The following ADGRB1 variants were observed in gnomAD, a reference collection of about 807,000 sequenced individuals.
ADGRB1 encodes brain-specific angiogenesis inhibitor 1.
ADGRB1 carries 36 observed loss-of-function variants against 175.7 expected under a neutral mutation model. The observed-to-expected ratio is 0.20, with a 90% CI of 0.16 to 0.27. ADGRB1 has a LOEUF of 0.27. Among genes scored for constraint, ADGRB1 ranks in the 10% least tolerant of loss-of-function variants. The pLI, the probability that ADGRB1 is intolerant of heterozygous loss-of-function variation, is 1.00. For synonymous variants in ADGRB1, 1,054 were observed against 979.4 expected, an observed-to-expected ratio of 1.08 and a Z score of -1.42; for missense variants, 1,731 against 2,255.3, an observed-to-expected ratio of 0.77 and a Z score of 4.71.
intron 17 of ADGRB1, among the ~76,000 whole-genome samples, chr8:142,496,915 G>C (rs1377394872): frequency 6.6e-6 from 1 of 152,190 alleles, no homozygotes; most frequent in African/African-American, 2.4e-5. Context: ...AACTGGGCTG[G>C]GAGTTTCCCA....
At chr8:142,533,728 G>A (rs1185960423) in intron 25 of ADGRB1, among the ~76,000 whole-genome samples, 1 of 152,204 alleles carries the variant, frequency 6.6e-6, no homozygotes, top group African/African-American at 2.4e-5. Flanking sequence ...GGGCGTGGGG[G>A]ACGAAAGCAC....
chr8:142,538,326 CGGGTGA>C (rs1304584587), intron 26 of ADGRB1, among the ~76,000 whole-genome samples: 1 of 152,184 alleles, frequency 6.6e-6, no homozygotes, highest in Non-Finnish European at 1.5e-5. Flanking sequence ...TGTCCAGCCC[CGGGTGA>C]GGGTGAGGTC....
chr8:142,516,498 G>A (rs1171088800), intron 18 of ADGRB1, among the ~76,000 whole-genome samples: 3 of 141,374 alleles, frequency 2.1e-5, no homozygotes, highest in Non-Finnish European at 4.6e-5. Context: ...CGTGTGTGCG[G>A]GCCCCAGGTG....
Position 142,541,958 on chromosome 8 carries a change from G to A in ADGRB1, c.3724G>A (p.Ala1242Thr), listed in dbSNP as rs1251950797. The A allele has an allele frequency of 1.0e-5, 16 of 1,557,430 alleles. No homozygotes were observed. The highest frequency in any genetic ancestry group is 2.3e-5 in the South Asian group (2 of 85,296). ...ACRSVLNKDI[A>T]ACRTATITGT... The stretch of plus-strand genomic sequence containing the variant: ...CCCTGCAGTGCTGAACAAGGACATC[G>A]CGGCCTGCCGCACTGCCACCATCAC... The change falls in exon 28 of 31, where the codon GCG becomes ACG. Residue 1242 changes from alanine (A) to threonine (T), a missense_variant. Around this residue, in one of 8 missense-constraint regions of ADGRB1, gnomAD observed 301 missense variants for 488.4 expected, o/e 0.62. Transcript: ENST00000517894.
intron 2 of ADGRB1, among the ~76,000 whole-genome samples, chr8:142,467,563 G>C (rs926920189): frequency 6.6e-5 from 10 of 152,212 alleles, no homozygotes. Context: ...AGTGGGACTT[G>C]AGTGTGAGCT....
At chr8:142,453,091 G>A (rs1328105661) in intron 1 of ADGRB1, among the ~76,000 whole-genome samples, 1 of 136,254 alleles carries the variant, frequency 7.3e-6, no homozygotes, top group Non-Finnish European at 1.6e-5. Flanking sequence ...GTCCCGTGAC[G>A]CGCCTCGCGT....
chr8:142,459,185 G>A (rs1313090922), intron 1 of ADGRB1, among the ~76,000 whole-genome samples: 1 of 152,220 alleles, frequency 6.6e-6, no homozygotes, highest in East Asian at 1.9e-4. Context: ...CATGGAACAC[G>A]CCTTTGGAGG....
At chr8:142,528,354 G>A (rs989517080) in intron 24 of ADGRB1, among the ~76,000 whole-genome samples, 3 of 152,152 alleles carry the variant, frequency 2.0e-5, no homozygotes, top group Non-Finnish European at 4.4e-5. Context: ...GCAGCCCTCA[G>A]CCCTGCCCAC....
chr8:142,458,105 T>C (rs1839780219), intron 1 of ADGRB1, among the ~76,000 whole-genome samples: 1 of 147,762 alleles, frequency 6.8e-6, no homozygotes, highest in Non-Finnish European at 1.5e-5. Flanking sequence ...GGGGATGCCA[T>C]TGGTGGCCTA....
At chr8:142,539,228 C>T in intron 26 of ADGRB1, 146 bp from the exon 27 acceptor site, 2 of 757,450 alleles carry the variant, frequency 2.6e-6, no homozygotes, top group Non-Finnish European at 4.2e-6. Context: ...GGCATGGTCG[C>T]CCACGTGGGG....
chr8:142,453,469 CGCGA>C (rs1839482126), intron 1 of ADGRB1, among the ~76,000 whole-genome samples: 2 of 152,196 alleles, frequency 1.3e-5, no homozygotes, highest in African/African-American at 4.8e-5. Flanking sequence ...CCTCCGGGCC[CGCGA>C]GCCCACGCCC....
chr8:142,506,322 C>T (rs1242680072), intron 17 of ADGRB1, among the ~76,000 whole-genome samples: 2 of 152,170 alleles, frequency 1.3e-5, no homozygotes, highest in Non-Finnish European at 2.9e-5. Context: ...GTCTGAGGGT[C>T]CCAGGTCGCT....
rs1014149152 is a variant in ADGRB1 at position 142,479,857 on chromosome 8, G to A, written c.1828+63G>A. On this transcript the variant is annotated intron_variant, in intron 9 of 30. Coordinates refer to ENST00000517894, the MANE Select transcript of ADGRB1 (RefSeq NM_001702.3). ...GTCCTGTCCTCACGGTGATGCCCAC[G>A]CTGAGGTGCTGTCAGCACTGGGAGG... 8.1e-6 allele frequency: 12 copies of A among 1,485,212 alleles called. No individual in the cohort carries two copies. In the African/African-American group the frequency reaches 8.3e-5, roughly 10 times the overall value. 92.0% of individuals were successfully genotyped at this position (1,485,212 alleles called of 1,614,324 possible).
chr8:142,491,996 G>A (rs570250810), intron 17 of ADGRB1, among the ~76,000 whole-genome samples: 11 of 152,124 alleles, frequency 7.2e-5, no homozygotes, highest in Admixed American at 7.2e-4. Context: ...AGGCAGGCAG[G>A]GGCTCAGGGG....
At chr8:142,531,232 G>T (rs1587427190) in intron 24 of ADGRB1, among the ~76,000 whole-genome samples, 2 of 152,240 alleles carry the variant, frequency 1.3e-5, no homozygotes, top group African/African-American at 4.8e-5. Context: ...ATCGCCATGG[G>T]AAAACCGAGG....
chr8:142,495,848 CAT>C (rs1287425379), intron 17 of ADGRB1, among the ~76,000 whole-genome samples: 2 of 140,968 alleles, frequency 1.4e-5, no homozygotes, highest in Non-Finnish European at 1.5e-5. Flanking sequence ...AGGACTTGGA[CAT>C]ATATTGGGGA....
At chr8:142,486,085 C>T (rs371943407) in intron 13 of ADGRB1, among the ~76,000 whole-genome samples, 54 of 152,286 alleles carry the variant, frequency 3.5e-4, no homozygotes, top group African/African-American at 1.2e-3. Context: ...TGAACGTTTA[C>T]AGGACACATT....
At position 142,543,766 on chromosome 8, in the gene ADGRB1, C is replaced by T; in HGVS notation, c.4557+58C>T. On this transcript the variant is annotated intron_variant, in intron 30 of 30. Transcript: ENST00000517894. This position sits in a 1 kb window ranked among gnomAD's most constrained non-coding sequence, Gnocchi z 4.4. ...AGCCCTTAGGTCAGGCCACCGTCTC[C>T]CTTCTTCCCTGGATTTGTGCACTTC... 1.4e-6 allele frequency: 2 copies of T among 1,439,450 alleles called. No homozygotes were observed. Among genetic ancestry groups the T allele is most frequent in the East Asian group, 5.0e-5 (2 of 40,196 alleles). The allele number at this position is 1,439,450 out of a possible 1,614,324, so 89.2% of individuals were successfully genotyped here.
chr8:142,502,407 G>GATGACA (rs1842641803), intron 17 of ADGRB1, among the ~76,000 whole-genome samples: 1 of 92,576 alleles, frequency 1.1e-5, no homozygotes, highest in African/African-American at 4.3e-5. Context: ...TGATGGTGGT[G>GATGACA]GTGGTGGTGG....
Sources: allele counts gnomAD v4.1 joint callset (sites outside exome capture counted in the v4.1 genomes callset), GRCh38; gene constraint gnomAD v4.1.1; regional missense constraint gnomAD v4.1.1; non-coding constraint Gnocchi (gnomAD v3.1); transcripts MANE v1.5; gene names NCBI Gene and HGNC (gene_info 2026-07-23, HGNC 2026-07-21).